Variants in PREX2 observed in about 807,000 individuals in gnomAD.
PREX2 encodes phosphatidylinositol 3,4,5-trisphosphate-dependent Rac exchanger 2 protein.
A neutral mutation model predicts 203.2 loss-of-function variants in PREX2; 107 were observed. The observed-to-expected ratio is 0.53, with a 90% CI of 0.45 to 0.62. The LOEUF (loss-of-function observed/expected upper bound fraction) is 0.62. Ranked by LOEUF, PREX2 falls within the 20% of genes least tolerant of loss-of-function variation. The pLI is 0.00. For synonymous variants in PREX2, 672 were observed against 663.6 expected, an observed-to-expected ratio of 1.01 and a Z score of -0.19; for missense variants, 1,777 against 1,955.9, an observed-to-expected ratio of 0.91 and a Z score of 1.72.
intron 18 of PREX2, among the ~76,000 whole-genome samples, chr8:68,085,504 A>G (rs1239452705): frequency 7.9e-5 from 12 of 152,224 alleles, no homozygotes; most frequent in Non-Finnish European, 2.9e-5. Context: ...TATGAGAGAT[A>G]AATGCAAAAG....
intron 1 of PREX2, among the ~76,000 whole-genome samples, chr8:68,008,894 A>C (rs977519347): frequency 6.6e-6 from 1 of 152,162 alleles, no homozygotes; most frequent in Non-Finnish European, 1.5e-5. Flanking sequence ...GAATCCATTA[A>C]ACCTATTTTT....
chr8:68,025,221 A>T (rs1807684110), intron 4 of PREX2, among the ~76,000 whole-genome samples: 2 of 151,546 alleles, frequency 1.3e-5, no homozygotes. Context: ...TAAATCTGCG[A>T]ATGTCTTTAT....
Position 68,232,392 on chromosome 8 carries a change from T to C in PREX2, c.*1014T>C, listed in dbSNP as rs1813184932. 1 of 152,294 alleles carries C rather than the reference T, an allele frequency of 6.6e-6. No individual in the cohort carries two copies. The highest frequency in any genetic ancestry group is 2.4e-5 in the African/African-American group (1 of 41,550). The allele number at this position is 152,294 out of a possible 1,614,324, so 9.4% of individuals were successfully genotyped here. On this transcript the variant is annotated 3_prime_UTR_variant, in exon 40 of 40. Transcript: ENST00000288368. ...AAAGGACCATTAGGGGACTTGTAAT[T>C]TATGGATGCACAAGGTGTATTCTAT...
At position 67,975,694 on chromosome 8, in the gene PREX2, C is replaced by CTTTTTTTTTTTTTT. The variant is rs67614434; in HGVS notation, c.141+23173_141+23186dup. Among the ~76,000 whole-genome samples, 35 of 75,012 alleles carry CTTTTTTTTTTTTTT rather than the reference C, an allele frequency of 4.7e-4. 8 individuals carry two copies. Among genetic ancestry groups the CTTTTTTTTTTTTTT allele is most frequent in the African/African-American group, 1.7e-3 (29 of 16,860 alleles). The allele number at this position is 75,012 out of a possible 152,430, so 49.2% of individuals were successfully genotyped here. Reference sequence around the variant, plus strand: ...TCAGGATAGTAACTGATTTCTCTTTCTTTTTTTTTTTTTTTTTTTTTTTTT... The same window carrying CTTTTTTTTTTTTTT: ...TCAGGATAGTAACTGATTTCTCTTTCTTTTTTTTTTTTTTTTTTTTTTTTTTTTTTTTTTTTTTT... On this transcript the variant is annotated intron_variant, in intron 1 of 39. Coordinates refer to ENST00000288368, the MANE Select transcript of PREX2 (RefSeq NM_024870.4).
intron 37 of PREX2, among the ~76,000 whole-genome samples, chr8:68,195,804 A>G (rs1430719186): frequency 1.3e-5 from 2 of 152,210 alleles, no homozygotes; most frequent in Non-Finnish European, 2.9e-5. Context: ...TAGATAGTCA[A>G]TTTCCTGCCT....
chr8:68,146,317 G>A lies in PREX2; in HGVS notation c.4196G>A (p.Gly1399Glu), dbSNP rs375307620. 1.2e-6 allele frequency: 2 copies of A among 1,612,968 alleles called. No homozygotes were observed. Among genetic ancestry groups the A allele is most frequent in the Non-Finnish European group, 1.7e-6 (2 of 1,179,466 alleles). ...EQLPQRLKNG[G>E]GFKIHPVLFA... ...CTTCCTCAACGGCTGAAAAATGGAG[G>A]AGGGTTTAAAATTCATCCTGTTCTT... Residue 1399 changes from glycine (G) to glutamate (E), a missense_variant, in exon 34 of 40, where the codon GGA (glycine) becomes GAA (glutamate). Physicochemically the swap from Gly to Glu is moderately conservative, Grantham distance 98. Transcript: ENST00000288368.
At chr8:68,028,303 G>A (rs1431806651) in intron 5 of PREX2, among the ~76,000 whole-genome samples, 3 of 151,564 alleles carry the variant, frequency 2.0e-5, no homozygotes, top group Non-Finnish European at 4.4e-5. Flanking sequence ...AATTAGCATA[G>A]TCTGTGCTTT....
chr8:68,096,814 T>A (rs531601260), intron 21 of PREX2, among the ~76,000 whole-genome samples: 1 of 152,322 alleles, frequency 6.6e-6, no homozygotes, highest in African/African-American at 2.4e-5. Context: ...GTTAGAGTGC[T>A]GAGGTTTGGA....
chr8:68,151,772 T>C (rs13253979), intron 34 of PREX2, among the ~76,000 whole-genome samples: 72,184 of 149,986 alleles, frequency 0.48, 18,434 homozygotes, highest in African/African-American at 0.67. Context: ...CTCTTTTTTT[T>C]AACCTCCTAT....
chr8:68,125,650 A>G (rs1014285154), intron 30 of PREX2, among the ~76,000 whole-genome samples: 2 of 152,130 alleles, frequency 1.3e-5, no homozygotes, highest in African/African-American at 4.8e-5. Context: ...AGCTGAATGA[A>G]GAGATTTTTA....
At chr8:68,017,977 G>A (rs371587096) in intron 2 of PREX2, 60 bp downstream of exon 2, 31 of 1,311,286 alleles carry the variant, frequency 2.4e-5, no homozygotes, top group Non-Finnish European at 3.4e-5. Flanking sequence ...AAATTTTGCT[G>A]GTGCCATGGT....
At chr8:68,092,856 G>A (rs1236185353) in intron 20 of PREX2, among the ~76,000 whole-genome samples, 2 of 152,030 alleles carry the variant, frequency 1.3e-5, no homozygotes, top group Non-Finnish European at 2.9e-5. Context: ...GTCTCACTAC[G>A]TTGCTCAGGT....
At position 68,233,364 on chromosome 8, in the gene PREX2, A is replaced by G. The variant is rs994818752; in HGVS notation, c.*1986A>G. On this transcript the variant is annotated 3_prime_UTR_variant, in exon 40 of 40. Coordinates refer to ENST00000288368, the MANE Select transcript of PREX2 (RefSeq NM_024870.4). ...AAAATGATTTCAGTTGTACTTTGCC[A>G]TATTTCATGGGGCAAATTATCAGCT... 12 of 152,192 alleles carry G rather than the reference A, an allele frequency of 7.9e-5. No individual in the cohort carries two copies. The highest frequency in any genetic ancestry group is 1.5e-4 in the Non-Finnish European group (10 of 68,036). 9.4% of individuals were successfully genotyped at this position (152,192 alleles called of 1,614,324 possible).
chr8:68,025,226 CT>C (rs781130540), intron 4 of PREX2, among the ~76,000 whole-genome samples: 16 of 151,446 alleles, frequency 1.1e-4, no homozygotes, highest in Non-Finnish European at 2.1e-4. Context: ...CTGCGAATGT[CT>C]TTATTTTGCC....
chr8:68,215,040 G>T (rs1438903519), intron 37 of PREX2, among the ~76,000 whole-genome samples: 3 of 152,142 alleles, frequency 2.0e-5, no homozygotes, highest in Admixed American at 2.0e-4. Flanking sequence ...TTTCTCTTAG[G>T]TATTGTGTGA....
chr8:68,017,742 T>G, intron 1 of PREX2, 104 bp from the exon 2 acceptor site: 2 of 892,700 alleles, frequency 2.2e-6, no homozygotes, highest in Non-Finnish European at 3.6e-6. Context: ...CAAATGGAGT[T>G]TTACACTTTG....
chr8:68,047,350 C>T (rs1808382531), intron 8 of PREX2, among the ~76,000 whole-genome samples: 1 of 151,438 alleles, frequency 6.6e-6, no homozygotes, highest in African/African-American at 2.4e-5. Flanking sequence ...ACTCCCCATA[C>T]TTGGCCCTGG....
intron 8 of PREX2, among the ~76,000 whole-genome samples, chr8:68,048,007 T>C (rs994158103): frequency 2.0e-5 from 3 of 152,082 alleles, no homozygotes; most frequent in African/African-American, 4.8e-5. Context: ...TAAATGATGG[T>C]ATGATGTGCA....
chr8:68,209,251 C>G lies in PREX2; in HGVS notation c.4605-8365C>G, dbSNP rs1013242959. On this transcript the variant is annotated intron_variant, in intron 37 of 39. Coordinates refer to ENST00000288368, the MANE Select transcript of PREX2 (RefSeq NM_024870.4). Reference sequence around the variant, plus strand: ...TTCCTTTCTAAAATTTGAATGCTGCCCAGGTAACTTCAGCTTAGTAAAGTA... The same window carrying G: ...TTCCTTTCTAAAATTTGAATGCTGCGCAGGTAACTTCAGCTTAGTAAAGTA... Among the ~76,000 whole-genome samples, 11 of 151,984 alleles carry G rather than the reference C, an allele frequency of 7.2e-5. No individual in the cohort carries two copies. The East Asian group carries it at 2.1e-3, about 29-fold the overall frequency.
Sources: allele counts gnomAD v4.1 joint callset (sites outside exome capture counted in the v4.1 genomes callset), GRCh38; gene constraint gnomAD v4.1.1; transcripts MANE v1.5; gene names NCBI Gene and HGNC (gene_info 2026-07-23, HGNC 2026-07-21).